ANK2: variants seen among roughly 807,000 people sequenced by gnomAD.
ANK2 encodes the protein ankyrin-2.
Under a neutral mutation model 360.5 loss-of-function variants are expected in ANK2, and 83 were observed. The ratio of observed to expected loss-of-function variants is 0.23; its 90% CI spans 0.19 to 0.28. The LOEUF (loss-of-function observed/expected upper bound fraction) is 0.28. Ranked by LOEUF, ANK2 falls within the 10% of genes least tolerant of loss-of-function variation. ANK2 has a pLI of 1.00. For missense variants in ANK2, 4,201 were observed against 4,795.7 expected, an observed-to-expected ratio of 0.88 and a Z score of 3.66; for synonymous variants, 1,740 against 1,759.5, an observed-to-expected ratio of 0.99 and a Z score of 0.28.
At chr4:112,826,821 A>G in intron 1 of ANK2, 1 of 1,234,478 alleles carries the variant, frequency 8.1e-7, no homozygotes, top group Non-Finnish European at 1.2e-6. Context: ...TCAAAAAAAT[A>G]AAGTAAAAGA....
chr4:112,727,337 G>A, the ANK2 span, among the ~76,000 whole-genome samples: 98 of 151,960 alleles, frequency 6.4e-4, 1 homozygote, highest in African/African-American at 2.1e-3. Context: ...TTGAAATATT[G>A]TAAATAAAGC....
chr4:113,303,223 T>C (rs1030320178), intron 23 of ANK2, among the ~76,000 whole-genome samples: 1 of 152,212 alleles, frequency 6.6e-6, no homozygotes, highest in African/African-American at 2.4e-5. Flanking sequence ...GTAAAGACTT[T>C]AAAGTATACT....
At chr4:112,750,132 G>A in the ANK2 span, among the ~76,000 whole-genome samples, 2 of 151,962 alleles carry the variant, frequency 1.3e-5, no homozygotes, top group Admixed American at 6.5e-5. Context: ...GCATGCATTG[G>A]TGCAATCACA....
At chr4:113,274,311 CA>C in intron 14 of ANK2, 140 bp from the exon 15 acceptor site, 1 of 931,008 alleles carries the variant, frequency 1.1e-6, no homozygotes, top group Non-Finnish European at 1.7e-6. Flanking sequence ...TAAAATATGC[CA>C]TGGTTAAAGC....
intron 14 of ANK2, among the ~76,000 whole-genome samples, chr4:113,273,974 C>T (rs2059386008): frequency 6.6e-6 from 1 of 152,092 alleles, no homozygotes; most frequent in South Asian, 2.1e-4. Context: ...AGAAAATGAC[C>T]AGCATTTGTA....
intron 1 of ANK2, among the ~76,000 whole-genome samples, chr4:112,828,421 A>G (rs2058915139): frequency 1.3e-5 from 2 of 151,974 alleles, no homozygotes; most frequent in African/African-American, 4.8e-5. Flanking sequence ...TTTAGTAAAG[A>G]GGGGGGTTTC....
intron 4 of ANK2, among the ~76,000 whole-genome samples, chr4:113,207,166 A>C (rs1368849585): frequency 2.0e-5 from 3 of 152,260 alleles, no homozygotes; most frequent in Non-Finnish European, 4.4e-5. Context: ...TTCATTTATA[A>C]TAAAGTAATT....
At chr4:113,289,588 C>T (rs2066536775) in intron 20 of ANK2, among the ~76,000 whole-genome samples, 1 of 152,140 alleles carries the variant, frequency 6.6e-6, no homozygotes, top group Non-Finnish European at 1.5e-5. Context: ...TCAAAGCCAT[C>T]ATTCAAGATT....
intron 1 of ANK2, among the ~76,000 whole-genome samples, chr4:113,129,577 A>G (rs958395329): frequency 6.6e-6 from 1 of 152,216 alleles, no homozygotes; most frequent in Non-Finnish European, 1.5e-5. Context: ...TTTTACATAA[A>G]TTATTATTTG....
intron 13 of ANK2, among the ~76,000 whole-genome samples, chr4:113,259,967 C>T (rs995158871): frequency 6.6e-6 from 1 of 152,088 alleles, no homozygotes; most frequent in African/African-American, 2.4e-5. Context: ...TTTTTATCTC[C>T]ACCTATTCTT....
chr4:113,008,030 T>C (rs748760952), intron 2 of ANK2, among the ~76,000 whole-genome samples: 4 of 152,084 alleles, frequency 2.6e-5, no homozygotes, highest in Admixed American at 6.6e-5. Context: ...CATCATCCTG[T>C]AGTGTGTTAA....
At chr4:112,804,562 A>G in the ANK2 span, among the ~76,000 whole-genome samples, 1 of 152,242 alleles carries the variant, frequency 6.6e-6, no homozygotes, top group Non-Finnish European at 1.5e-5. Context: ...GGAGCTTGTT[A>G]TAGAATGCCA....
intron 20 of ANK2, among the ~76,000 whole-genome samples, chr4:113,292,166 A>G (rs2068016193): frequency 1.3e-5 from 2 of 152,168 alleles, no homozygotes; most frequent in Non-Finnish European, 2.9e-5. Flanking sequence ...ACTGGTTAAA[A>G]TGTAATAATA....
intron 1 of ANK2, among the ~76,000 whole-genome samples, chr4:113,073,721 G>A (rs986075643): frequency 5.9e-5 from 9 of 152,206 alleles, no homozygotes; most frequent in African/African-American, 9.7e-5. Flanking sequence ...ACCCATAGCT[G>A]TGTTTTCTGA....
chr4:113,151,771 T>G (rs1200749644), intron 1 of ANK2, among the ~76,000 whole-genome samples: 1 of 151,730 alleles, frequency 6.6e-6, no homozygotes, highest in African/African-American at 2.4e-5. Context: ...TTTAAAGAAA[T>G]TTGGTGAAGG....
chr4:113,165,287 A>G (rs1228032578), intron 1 of ANK2, among the ~76,000 whole-genome samples: 1 of 152,222 alleles, frequency 6.6e-6, no homozygotes, highest in Non-Finnish European at 1.5e-5. Flanking sequence ...GCAATAATTG[A>G]GAACTATTTA....
At chr4:112,741,503 G>A in the ANK2 span, among the ~76,000 whole-genome samples, 2 of 152,188 alleles carry the variant, frequency 1.3e-5, no homozygotes, top group Non-Finnish European at 2.9e-5. Context: ...CGATAGGGTG[G>A]CAGAGCAGTC....
the ANK2 span, among the ~76,000 whole-genome samples, chr4:112,801,970 T>C: frequency 5.3e-5 from 8 of 152,094 alleles, no homozygotes; most frequent in Admixed American, 3.9e-4. Context: ...GATTTTTTTT[T>C]TTTGCAGTAA....
At chr4:113,330,890 A>G (rs901498182) in intron 27 of ANK2, among the ~76,000 whole-genome samples, 1 of 152,174 alleles carries the variant, frequency 6.6e-6, no homozygotes, top group Non-Finnish European at 1.5e-5. Context: ...TTGGAAAGCA[A>G]TGTTGCCTTT....
Sources: gnomAD v4.1 joint callset for allele counts (sites outside exome capture counted in the v4.1 genomes callset) on GRCh38, gnomAD v4.1.1 for gene constraint, MANE v1.5 for transcripts, NCBI Gene and HGNC (gene_info 2026-07-23, HGNC 2026-07-21) for gene names.